Variants in DTX4 observed in about 807,000 individuals in gnomAD.
The protein encoded by DTX4 is E3 ubiquitin-protein ligase DTX4.
DTX4 carries 28 observed loss-of-function variants against 57.6 expected under a neutral mutation model. The observed-to-expected ratio is 0.49, with a 90% CI of 0.36 to 0.67. The LOEUF (loss-of-function observed/expected upper bound fraction) is 0.67, where lower values mean the gene tolerates loss of function less well. Ranked by LOEUF, DTX4 falls within the 30% of genes least tolerant of loss-of-function variation. The pLI, the probability that DTX4 is intolerant of heterozygous loss-of-function variation, is 0.00. For synonymous variants in DTX4, 316 were observed against 331.0 expected, an observed-to-expected ratio of 0.95 and a Z score of 0.49; for missense variants, 715 against 836.8, an observed-to-expected ratio of 0.85 and a Z score of 1.80.
chr11:59,200,103 C>A (rs621162), intron 8 of DTX4, among the ~76,000 whole-genome samples: 38,448 of 152,094 alleles, frequency 0.25, 5,361 homozygotes, highest in Admixed American at 0.38. Context: ...GAAGTCCCCA[C>A]AATCATGGCA....
intron 1 of DTX4, among the ~76,000 whole-genome samples, chr11:59,181,346 T>G (rs1489518630): frequency 1.3e-5 from 2 of 152,198 alleles, no homozygotes; most frequent in Non-Finnish European, 2.9e-5. Context: ...ATATTTAGTT[T>G]GTACAAAAAC....
chr11:59,177,935 G>C (rs1862415587), intron 1 of DTX4, among the ~76,000 whole-genome samples: 1 of 152,138 alleles, frequency 6.6e-6, no homozygotes, highest in South Asian at 2.1e-4. Context: ...ATACCTTGAT[G>C]CCCACTCTCA....
intron 2 of DTX4, among the ~76,000 whole-genome samples, chr11:59,182,721 T>G (rs1003491629): frequency 2.0e-5 from 3 of 152,182 alleles, no homozygotes; most frequent in African/African-American, 7.2e-5. Flanking sequence ...CCTAACGTCA[T>G]GGAGTCCTAA....
rs377059900 is a variant in DTX4, at chr11:59,182,268, A to T, written c.741A>T (p.Arg247=). The part of the protein sequence containing the change: ...AKPLDSTGTI[R]GPLKTAPSQV... ...CACTGGACAGCACAGGCACCATTCG[A>T]GGCCCACTGAAGACCGCCCCATCGC... Residue 247 remains arginine (R), a synonymous_variant, in exon 2 of 9, where the codon CGA becomes CGT. Coordinates refer to ENST00000227451, the MANE Select transcript of DTX4 (RefSeq NM_015177.2). 1 of 1,612,190 alleles carries T rather than the reference A, an allele frequency of 6.2e-7. No individual in the cohort carries two copies. The highest frequency in any genetic ancestry group is 8.5e-7 in the Non-Finnish European group (1 of 1,179,846).
chr11:59,204,339 G>A (rs572689219), intron 8 of DTX4, among the ~76,000 whole-genome samples: 11 of 152,332 alleles, frequency 7.2e-5, no homozygotes, highest in South Asian at 4.1e-4. Flanking sequence ...CAATTAGTGC[G>A]TTGTAGGCAC....
intron 8 of DTX4, 60 bp from the exon 9 acceptor site, chr11:59,204,616 G>T: frequency 1.4e-6 from 2 of 1,477,778 alleles, no homozygotes; most frequent in East Asian, 2.4e-5. Flanking sequence ...TACCGTCCAA[G>T]GGATAGTCTT....
In DTX4 at chr11:59,172,363, CCGGCGG is replaced by C. The variant is rs1396583211; in HGVS notation, c.-221_-216del. The C allele has an allele frequency of 6.1e-6, 1 of 164,276 alleles. No homozygotes were observed. Among genetic ancestry groups the C allele is most frequent in the Non-Finnish European group, 1.3e-5 (1 of 76,978 alleles). 10.2% of individuals were successfully genotyped at this position (164,276 alleles called of 1,614,324 possible). Reference sequence around the variant, plus strand: ...AGAGCAGCGGCAGCAGCAGCGGACCCCGGCGGCGGCGGCGGCGCGCGGTCCCAGCCA... The same window carrying C: ...AGAGCAGCGGCAGCAGCAGCGGACCCCGGCGGCGGCGCGCGGTCCCAGCCA... On this transcript the variant is annotated 5_prime_UTR_variant, in exon 1 of 9. Coordinates refer to ENST00000227451, the MANE Select transcript of DTX4 (RefSeq NM_015177.2).
intron 6 of DTX4, among the ~76,000 whole-genome samples, chr11:59,194,371 C>T (rs1862636687): frequency 6.6e-6 from 1 of 152,212 alleles, no homozygotes; most frequent in African/African-American, 2.4e-5. Context: ...ACACTCTATC[C>T]TTCTAAGCAA....
At chr11:59,188,372 G>T (rs1862554914) in intron 2 of DTX4, among the ~76,000 whole-genome samples, 1 of 152,190 alleles carries the variant, frequency 6.6e-6, no homozygotes, top group African/African-American at 2.4e-5. Flanking sequence ...TCTGGTGGAA[G>T]GGCATTTTGG....
chr11:59,175,129 G>A (rs1862379646), intron 1 of DTX4, among the ~76,000 whole-genome samples: 1 of 152,202 alleles, frequency 6.6e-6, no homozygotes. Flanking sequence ...CCATGACAGG[G>A]TAGGAACTTT....
In DTX4 at chr11:59,189,190, G is replaced by A. The variant is rs61736707; in HGVS notation, c.1026G>A (p.Ala342=). ...AGITGILMSA[A]GLPVCLTRPP... is the part of the protein sequence containing the mutation. ...TCACTGGGATCCTCATGAGTGCAGC[G>A]GGGCTGCCTGTGTGTCTCACCAGGC... Residue 342 remains alanine (A), a synonymous_variant, in exon 4 of 9, where the codon GCG becomes GCA. Coordinates refer to ENST00000227451, the MANE Select transcript of DTX4 (RefSeq NM_015177.2). The A allele has an allele frequency of 7.3e-4, 1,174 of 1,613,642 alleles. 7 individuals carry two copies. The African/African-American group carries it at 0.013, about 18-fold the overall frequency.
chr11:59,174,501 GAA>G (rs71036507), intron 1 of DTX4, among the ~76,000 whole-genome samples: 2 of 118,024 alleles, frequency 1.7e-5, no homozygotes, highest in Non-Finnish European at 3.3e-5. Context: ...TCCAGTCCTG[GAA>G]AAAAAAAAAA....
intron 2 of DTX4, among the ~76,000 whole-genome samples, chr11:59,184,215 G>A (rs966823415): frequency 5.3e-5 from 8 of 152,160 alleles, no homozygotes; most frequent in African/African-American, 1.9e-4. Context: ...AGAGTTCCAG[G>A]GTGATTGCTA....
chr11:59,175,894 ATTT>A (rs143080310), intron 1 of DTX4, among the ~76,000 whole-genome samples: 4 of 137,944 alleles, frequency 2.9e-5, no homozygotes, highest in African/African-American at 7.8e-5. Flanking sequence ...GTCAGGCCTC[ATTT>A]TTTTTTTTTT....
chr11:59,182,163 A>G lies in DTX4; in HGVS notation c.636A>G (p.Leu212=), dbSNP rs1326531286. ...TGGTCAATGGCAGCACTGGGCCCCT[A>G]CAGCTGCCAGTGACCCGCAAGAACA... ...AAVVNGSTGP[L]QLPVTRKNMP... The change falls in exon 2 of 9, where the codon CTA becomes CTG. Residue 212 remains leucine (L), a synonymous_variant. Transcript: ENST00000227451. 1 of 1,612,934 alleles carries G rather than the reference A, an allele frequency of 6.2e-7. No individual in the cohort carries two copies. Among genetic ancestry groups the G allele is most frequent in the South Asian group, 1.1e-5 (1 of 91,036 alleles).
Position 59,182,300 on chromosome 11 carries a change from T to A in DTX4, c.773T>A (p.Ile258Asn). Residue 258 changes from isoleucine to asparagine, a missense_variant, in exon 2 of 9, where the codon ATC becomes AAC. Coordinates refer to ENST00000227451, the MANE Select transcript of DTX4 (RefSeq NM_015177.2). ...CTGAAGACCGCCCCATCGCAGGTGATCCGGAGACAAGCCTCCAGCATGCCC... is the reference window on the plus strand; with the variant it reads ...CTGAAGACCGCCCCATCGCAGGTGAACCGGAGACAAGCCTCCAGCATGCCC... ...GPLKTAPSQV[I>N]RRQASSMPTG... is the part of the protein sequence containing the mutation. 1 of 1,612,356 alleles carries A rather than the reference T, an allele frequency of 6.2e-7. No individual in the cohort carries two copies. The highest frequency in any genetic ancestry group is 1.7e-5 in the Admixed American group (1 of 60,012).
intron 1 of DTX4, among the ~76,000 whole-genome samples, chr11:59,178,660 G>T (rs1324126902): frequency 6.6e-6 from 1 of 152,228 alleles, no homozygotes; most frequent in African/African-American, 2.4e-5. Context: ...AGGATGGTAT[G>T]AAAAATGTTG....
chr11:59,188,048 G>T (rs928360759), intron 2 of DTX4, among the ~76,000 whole-genome samples: 1 of 152,158 alleles, frequency 6.6e-6, no homozygotes, highest in Non-Finnish European at 1.5e-5. Context: ...AACATCTTAG[G>T]TGACTCTTTT....
chr11:59,194,092 C>T (rs1297507488), intron 6 of DTX4, among the ~76,000 whole-genome samples: 3 of 152,148 alleles, frequency 2.0e-5, no homozygotes, highest in Non-Finnish European at 4.4e-5. Context: ...CCCCTGCATC[C>T]AGAACTGCCT....
Sources: gnomAD v4.1 joint callset for allele counts (sites outside exome capture counted in the v4.1 genomes callset) on GRCh38, gnomAD v4.1.1 for gene constraint, MANE v1.5 for transcripts, NCBI Gene and HGNC (gene_info 2026-07-23, HGNC 2026-07-21) for gene names.